The following DOCK3 variants were observed in gnomAD, a reference collection of about 807,000 sequenced individuals.
DOCK3 encodes dedicator of cytokinesis protein 3.
In DOCK3, 60 loss-of-function variants were observed where a neutral mutation model predicts 265.6. The observed-to-expected ratio is 0.23, with a 90% CI of 0.18 to 0.28. The LOEUF (loss-of-function observed/expected upper bound fraction) is 0.28, where lower values mean the gene tolerates loss of function less well. Ranked by LOEUF, DOCK3 falls within the 10% of genes least tolerant of loss-of-function variation. The probability of loss-of-function intolerance (pLI) is 1.00; values close to 1 mark genes in which losing one functional copy is unlikely to be tolerated. For missense variants in DOCK3, 1,981 were observed against 2,594.3 expected (o/e 0.76, Z 5.14); for synonymous variants, 881 against 938.0 (o/e 0.94, Z 1.11).
intron 22 of DOCK3, 134 bp from the exon 23 acceptor site, chr3:51,260,022 A>C: frequency 1.2e-6 from 1 of 851,490 alleles, no homozygotes; most frequent in Non-Finnish European, 1.7e-6. Flanking sequence ...GTACCTATCT[A>C]TCTCCATAGT....
At chr3:50,698,874 G>A (rs1460855281) in intron 1 of DOCK3, among the ~76,000 whole-genome samples, 1 of 151,902 alleles carries the variant, frequency 6.6e-6, no homozygotes, top group Non-Finnish European at 1.5e-5. Flanking sequence ...TTGAGTGTTA[G>A]GGGTTCTCTA....
At chr3:51,150,237 A>G (rs1371997131) in intron 10 of DOCK3, among the ~76,000 whole-genome samples, 1 of 149,780 alleles carries the variant, frequency 6.7e-6, no homozygotes, top group Non-Finnish European at 1.5e-5. Flanking sequence ...TCTTTTCTTT[A>G]TTAGTCTTGC....
At chr3:50,885,709 G>A (rs2048293686) in intron 3 of DOCK3, among the ~76,000 whole-genome samples, 1 of 152,080 alleles carries the variant, frequency 6.6e-6, no homozygotes. Context: ...TGTGTGGTGG[G>A]AGCTTGTTAT....
intron 1 of DOCK3, among the ~76,000 whole-genome samples, chr3:50,727,694 CAAACAAAACA>C (rs1180088373): frequency 6.6e-6 from 1 of 151,542 alleles, no homozygotes; most frequent in South Asian, 2.1e-4. Flanking sequence ...TGAGGCTCCT[CAAACAAAACA>C]AAACAAAACA....
At chr3:51,123,589 C>A (rs567447953) in intron 9 of DOCK3, among the ~76,000 whole-genome samples, 1 of 152,266 alleles carries the variant, frequency 6.6e-6, no homozygotes, top group East Asian at 1.9e-4. Context: ...TCTTTGTGCT[C>A]TCTGTCTCAC....
intron 25 of DOCK3, chr3:51,276,490 G>C: frequency 1.0e-6 from 1 of 955,596 alleles, no homozygotes; most frequent in South Asian, 4.8e-5. Flanking sequence ...TGGGGCTAGA[G>C]TCAGTGTAAT....
intron 3 of DOCK3, among the ~76,000 whole-genome samples, chr3:50,849,393 C>CACACACACACAT (rs749643843): frequency 1.3e-5 from 2 of 151,806 alleles, no homozygotes; most frequent in Non-Finnish European, 2.9e-5. Flanking sequence ...CATATATACA[C>CACACACACACAT]ACACACACAC....
At chr3:51,261,996 A>G (rs965139155) in intron 23 of DOCK3, among the ~76,000 whole-genome samples, 2 of 152,168 alleles carry the variant, frequency 1.3e-5, no homozygotes, top group Non-Finnish European at 2.9e-5. Context: ...GCTTCAGCAG[A>G]CTTAAATGTT....
At chr3:51,256,593 G>GTTTTTT (rs74193219) in intron 22 of DOCK3, among the ~76,000 whole-genome samples, 22 of 126,778 alleles carry the variant, frequency 1.7e-4, no homozygotes, top group Non-Finnish European at 2.6e-4. Flanking sequence ...TTTCGTTTTT[G>GTTTTTT]TTTTTTTTTT....
chr3:51,139,547 A>G (rs1310837051), intron 9 of DOCK3, among the ~76,000 whole-genome samples: 1 of 152,132 alleles, frequency 6.6e-6, no homozygotes, highest in Non-Finnish European at 1.5e-5. Flanking sequence ...TTTTCATTCA[A>G]TATTTATTGA....
chr3:50,982,157 T>C (rs952227753), intron 5 of DOCK3, among the ~76,000 whole-genome samples: 1 of 152,130 alleles, frequency 6.6e-6, no homozygotes. Flanking sequence ...CCTTAGTCTA[T>C]GTTTCTTGCG....
intron 3 of DOCK3, among the ~76,000 whole-genome samples, chr3:50,864,567 A>G (rs548854391): frequency 6.6e-6 from 1 of 152,100 alleles, no homozygotes; most frequent in South Asian, 2.1e-4. Context: ...TAGTAGTTTA[A>G]TAGTGCCAGG....
chr3:50,888,147 G>A lies in DOCK3; in HGVS notation c.163-1879G>A, dbSNP rs2048439004. Among the ~76,000 whole-genome samples the A allele has an allele frequency of 2.0e-5, 3 of 152,212 alleles. No individual in the cohort carries two copies. In the South Asian group the frequency reaches 6.2e-4, roughly 32 times the overall value. ...GCCCAAAATCTCCTTAAGCTGATAA[G>A]CAACTTCAGCAAAGTCTCAGGATAC... is the stretch of plus-strand genomic sequence containing the variant. On this transcript the variant is annotated intron_variant, in intron 3 of 52. Transcript: ENST00000266037.
intron 10 of DOCK3, among the ~76,000 whole-genome samples, chr3:51,151,015 G>A (rs2085561132): frequency 6.6e-6 from 1 of 150,834 alleles, no homozygotes; most frequent in Non-Finnish European, 1.5e-5. Context: ...ATGAATCTTG[G>A]TGCTCCTTAG....
intron 2 of DOCK3, among the ~76,000 whole-genome samples, chr3:50,825,268 G>A (rs1210453352): frequency 6.6e-6 from 1 of 152,134 alleles, no homozygotes; most frequent in Non-Finnish European, 1.5e-5. Flanking sequence ...TACCCATAAG[G>A]ACAAGGAAAT....
chr3:50,998,017 T>C (rs1333563338), intron 5 of DOCK3, among the ~76,000 whole-genome samples: 1 of 152,220 alleles, frequency 6.6e-6, no homozygotes, highest in Non-Finnish European at 1.5e-5. Context: ...TGGGGTACTA[T>C]ATTACAAACT....
intron 39 of DOCK3, among the ~76,000 whole-genome samples, chr3:51,349,375 T>G (rs2085814845): frequency 6.6e-6 from 1 of 152,194 alleles, no homozygotes; most frequent in Admixed American, 6.5e-5. Context: ...AATCAAATGC[T>G]CGATGGCTTT....
chr3:51,205,972 A>G (rs2089186294), intron 12 of DOCK3, among the ~76,000 whole-genome samples: 1 of 152,216 alleles, frequency 6.6e-6, no homozygotes, highest in African/African-American at 2.4e-5. Flanking sequence ...TGAAGCTACC[A>G]GGAGTTTCTT....
intron 2 of DOCK3, among the ~76,000 whole-genome samples, chr3:50,803,116 T>C (rs1338956775): frequency 6.6e-6 from 1 of 152,000 alleles, no homozygotes; most frequent in Non-Finnish European, 1.5e-5. Context: ...TGGGTGTTTC[T>C]CGGAGACGGG....
Sources: allele counts gnomAD v4.1 joint callset (sites outside exome capture counted in the v4.1 genomes callset), GRCh38; gene constraint gnomAD v4.1.1; transcripts MANE v1.5; gene names NCBI Gene and HGNC (gene_info 2026-07-23, HGNC 2026-07-21).